Variants in PCSK5 observed in about 807,000 individuals in gnomAD.
PCSK5 encodes proprotein convertase subtilisin/kexin type 5, also known as prohormone convertase 5.
Under a neutral mutation model 233.2 loss-of-function variants are expected in PCSK5, and 129 were observed. The ratio of observed to expected loss-of-function variants is 0.55; its 90% CI spans 0.48 to 0.64. The LOEUF (loss-of-function observed/expected upper bound fraction) is 0.64. Ranked by LOEUF, PCSK5 falls within the 30% of genes least tolerant of loss-of-function variation. The pLI is 0.00. For synonymous variants in PCSK5, 825 were observed against 879.2 expected (o/e 0.94, Z 1.09); for missense variants, 2,076 against 2,430.1 (o/e 0.85, Z 3.06).
intron 3 of PCSK5, among the ~76,000 whole-genome samples, chr9:76,002,320 G>A (rs558375268): frequency 6.6e-6 from 1 of 152,048 alleles, no homozygotes; most frequent in Non-Finnish European, 1.5e-5. Flanking sequence ...TTGATTACAC[G>A]GACCTCAAGT....
intron 30 of PCSK5, among the ~76,000 whole-genome samples, chr9:76,315,153 C>T (rs967528287): frequency 2.0e-5 from 3 of 152,058 alleles, no homozygotes; most frequent in Admixed American, 6.5e-5. Context: ...GGGGTTTCAC[C>T]ACGTTGGCCA....
At chr9:76,038,858 G>A (rs768641500) in intron 5 of PCSK5, among the ~76,000 whole-genome samples, 26 of 152,114 alleles carry the variant, frequency 1.7e-4, no homozygotes, top group Non-Finnish European at 2.9e-4. Context: ...TTTCCAATGC[G>A]GAGATGCCAC....
At chr9:76,179,506 A>G (rs1823753794) in intron 14 of PCSK5, 90 bp from the exon 15 acceptor site, 5 of 884,016 alleles carry the variant, frequency 5.7e-6, no homozygotes, top group Non-Finnish European at 8.9e-6. Context: ...ATAAGAAAAA[A>G]AAAAGTCTTA....
chr9:76,231,970 C>T (rs2131316983), intron 21 of PCSK5, among the ~76,000 whole-genome samples: 1 of 152,256 alleles, frequency 6.6e-6, no homozygotes, highest in Non-Finnish European at 1.5e-5. Flanking sequence ...GCTTGAATCC[C>T]ATTCTGCCTC....
chr9:76,177,068 T>C (rs1823646098), intron 14 of PCSK5, among the ~76,000 whole-genome samples: 1 of 152,140 alleles, frequency 6.6e-6, no homozygotes, highest in Non-Finnish European at 1.5e-5. Context: ...GGAGGGTGGA[T>C]TGCCTGAGCT....
intron 27 of PCSK5, 129 bp from the exon 28 acceptor site, chr9:76,302,008 G>A (rs1419086552): frequency 5.2e-6 from 2 of 385,492 alleles, no homozygotes; most frequent in Non-Finnish European, 9.9e-6. Flanking sequence ...TCAATATGAA[G>A]ATGAGACATC....
intron 2 of PCSK5, among the ~76,000 whole-genome samples, chr9:75,977,586 C>A (rs2131375985): frequency 6.7e-6 from 1 of 149,732 alleles, no homozygotes; most frequent in Admixed American, 6.6e-5. Context: ...GGCTCCATCT[C>A]AAAAGATAAA....
intron 7 of PCSK5, among the ~76,000 whole-genome samples, chr9:76,095,025 T>A (rs1831450501): frequency 6.6e-6 from 1 of 152,190 alleles, no homozygotes; most frequent in Non-Finnish European, 1.5e-5. Context: ...TTTGGAAAAA[T>A]TATATTAGAC....
chr9:76,101,592 C>T (rs1450314001), intron 8 of PCSK5, among the ~76,000 whole-genome samples: 1 of 152,090 alleles, frequency 6.6e-6, no homozygotes, highest in Non-Finnish European at 1.5e-5. Flanking sequence ...CTTTTTTCCC[C>T]CTAGTAATTT....
chr9:76,023,934 C>T, intron 4 of PCSK5, 53 bp downstream of exon 4: 1 of 1,506,562 alleles, frequency 6.6e-7, no homozygotes, highest in Non-Finnish European at 9.0e-7. Flanking sequence ...CAGAGAAACT[C>T]ATGTTAGGAT....
intron 2 of PCSK5, among the ~76,000 whole-genome samples, chr9:75,973,073 C>A (rs1160030647): frequency 7.5e-6 from 1 of 133,376 alleles, no homozygotes; most frequent in African/African-American, 2.6e-5. Context: ...ATGCCTCAGT[C>A]TCCCTGGTAA....
At chr9:76,012,473 G>T (rs1416894138) in intron 3 of PCSK5, among the ~76,000 whole-genome samples, 1 of 152,182 alleles carries the variant, frequency 6.6e-6, no homozygotes, top group Non-Finnish European at 1.5e-5. Context: ...CCGTAGGACT[G>T]TAAGTGGTAA....
chr9:76,294,329 T>A (rs1828371432), intron 25 of PCSK5, among the ~76,000 whole-genome samples: 2 of 152,190 alleles, frequency 1.3e-5, no homozygotes, highest in Admixed American at 6.5e-5. Flanking sequence ...TGCAATTCAG[T>A]GGAGTCTGAA....
rs3077117 is a variant in PCSK5 at position 76,193,413 on chromosome 9, G to GAAA, written c.2626+3671_2626+3673dup. 2.5e-3 allele frequency: 2,434 copies of GAAA among 974,276 alleles called. 48 individuals carry two copies. The highest frequency in any genetic ancestry group is 4.2e-3 in the South Asian group (156 of 37,166). 60.4% of individuals were successfully genotyped at this position (974,276 alleles called of 1,614,324 possible). A position where few individuals can be genotyped will look rare whatever the true frequency, so the allele number is the denominator to read the frequency against. On this transcript the variant is annotated intron_variant, in intron 20 of 37. Transcript: ENST00000674117. Reference sequence around the variant, plus strand: ...ATAGATTATTCCATATTATTAAAAAGAAAAAAGCCAAAAAGAAAAAAAAAA... The same window carrying GAAA: ...ATAGATTATTCCATATTATTAAAAAGAAAAAAAAAGCCAAAAAGAAAAAAAAAA...
chr9:75,895,466 A>T (rs1825765099), intron 1 of PCSK5, among the ~76,000 whole-genome samples: 1 of 152,250 alleles, frequency 6.6e-6, no homozygotes, highest in African/African-American at 2.4e-5. Context: ...ATTTTTGAAG[A>T]TTGAATTGTA....
At chr9:76,008,621 C>T (rs985166156) in intron 3 of PCSK5, among the ~76,000 whole-genome samples, 2 of 152,108 alleles carry the variant, frequency 1.3e-5, no homozygotes, top group African/African-American at 4.8e-5. Flanking sequence ...GCCGCCACAC[C>T]CAGCTAATTT....
At chr9:75,977,831 C>T (rs994916235) in intron 2 of PCSK5, among the ~76,000 whole-genome samples, 1 of 151,828 alleles carries the variant, frequency 6.6e-6, no homozygotes, top group East Asian at 2.0e-4. Context: ...AGGCTGGTCT[C>T]GAGCTCTGAC....
chr9:75,935,130 C>T (rs181323265), intron 2 of PCSK5, among the ~76,000 whole-genome samples: 15 of 152,238 alleles, frequency 9.9e-5, no homozygotes, highest in African/African-American at 3.1e-4. Context: ...TGCAGTGGCA[C>T]GATCTCGACT....
chr9:76,326,203 C>A (rs1194274952), intron 32 of PCSK5, among the ~76,000 whole-genome samples: 1 of 151,932 alleles, frequency 6.6e-6, no homozygotes, highest in East Asian at 1.9e-4. Flanking sequence ...CATAGCAAGA[C>A]CCTATTTCTA....
Sources: allele counts gnomAD v4.1 joint callset (sites outside exome capture counted in the v4.1 genomes callset), GRCh38; gene constraint gnomAD v4.1.1; transcripts MANE v1.5; gene names NCBI Gene and HGNC (gene_info 2026-07-23, HGNC 2026-07-21).